PROKR2: variants seen among roughly 807,000 people sequenced by gnomAD.
PROKR2 encodes the protein prokineticin receptor 2.
PROKR2 carries 26 observed loss-of-function variants against 23.4 expected under a neutral mutation model. The ratio of observed to expected loss-of-function variants is 1.11; its 90% CI spans 0.81 to 1.54. The LOEUF is 1.54. Among genes scored for constraint, PROKR2 ranks in the 40% most tolerant of loss-of-function variants. PROKR2 has a pLI of 0.00. For synonymous variants in PROKR2, 212 were observed against 201.2 expected, an observed-to-expected ratio of 1.05 and a Z score of -0.45; for missense variants, 453 against 511.5, an observed-to-expected ratio of 0.89 and a Z score of 1.10.
chr20:5,303,336 C>G (rs1295529891), intron 2 of PROKR2, among the ~76,000 whole-genome samples: 1 of 152,172 alleles, frequency 6.6e-6, no homozygotes, highest in Non-Finnish European at 1.5e-5. Flanking sequence ...CTCCCATGAG[C>G]TGTCATCCTG....
chr20:5,313,707 G>T lies in PROKR2; in HGVS notation c.458+205C>A, dbSNP rs574228303. ...TCTGAAGCACATGTGGTATCTGGGG[G>T]CATGGCCCAGAGATGGGCCACTCAG... On this transcript the variant is annotated intron_variant, in intron 2 of 2. Coordinates refer to ENST00000678254, the MANE Select transcript of PROKR2 (RefSeq NM_144773.4). 2.4e-4 allele frequency among the ~76,000 whole-genome samples: 37 copies of T among 152,346 alleles called. No homozygotes were observed. In the South Asian group the frequency reaches 6.4e-3, roughly 26 times the overall value.
At chr20:5,312,480 G>C (rs6085086) in intron 2 of PROKR2, among the ~76,000 whole-genome samples, 1 of 152,050 alleles carries the variant, frequency 6.6e-6, no homozygotes, top group Admixed American at 6.5e-5. Flanking sequence ...TGGTTGATAG[G>C]TACACATTTC....
chr20:5,302,831 T>A, intron 2 of PROKR2, 95 bp from the exon 3 acceptor site: 1 of 862,136 alleles, frequency 1.2e-6, no homozygotes, highest in Non-Finnish European at 1.9e-6. Context: ...AGTGGCACAG[T>A]GAATCCTCAT....
chr20:5,302,689 G>A lies in PROKR2; in HGVS notation c.506C>T (p.Thr169Met), dbSNP rs527771034. 1.7e-5 allele frequency: 28 copies of A among 1,614,196 alleles called. No homozygotes were observed. The highest frequency in any genetic ancestry group is 8.8e-5 in the South Asian group (8 of 91,086). ...HPLKPRMNYQ[T>M]ASFLIALVWM... is the part of the protein sequence containing the mutation. ...GACCAAGGCGATCAGGAAGGAGGCC[G>A]TTTGATAATTCATCCGTGGTTTCAA... The change falls in exon 3 of 3, where the codon ACG (threonine) becomes ATG (methionine). Residue 169 changes from threonine (T) to methionine (M), a missense_variant. By Grantham distance (81) the Thr-to-Met change is moderately conservative. Transcript: ENST00000678254.
intron 2 of PROKR2, among the ~76,000 whole-genome samples, chr20:5,303,273 C>T (rs1185413204): frequency 6.6e-6 from 1 of 152,160 alleles, no homozygotes; most frequent in Non-Finnish European, 1.5e-5. Context: ...GCTTATGGCC[C>T]CCAGACAGAG....
At chr20:5,310,186 C>A (rs191968864) in intron 2 of PROKR2, among the ~76,000 whole-genome samples, 1 of 152,312 alleles carries the variant, frequency 6.6e-6, no homozygotes, top group African/African-American at 2.4e-5. Context: ...TTTCCTATGA[C>A]TCATTCATTT....
At chr20:5,305,742 C>T (rs2058632779) in intron 2 of PROKR2, among the ~76,000 whole-genome samples, 1 of 152,138 alleles carries the variant, frequency 6.6e-6, no homozygotes, top group Admixed American at 6.5e-5. Flanking sequence ...CATTTCTCTA[C>T]AGCACTGGCT....
At chr20:5,311,917 G>A (rs1979458162) in intron 2 of PROKR2, among the ~76,000 whole-genome samples, 2 of 152,160 alleles carry the variant, frequency 1.3e-5, no homozygotes, top group African/African-American at 2.4e-5. Context: ...GATCATGTGA[G>A]TTAATACTTA....
intron 2 of PROKR2, among the ~76,000 whole-genome samples, chr20:5,310,412 C>T (rs13038214): frequency 0.51 from 77,066 of 151,422 alleles, 19,860 homozygotes; most frequent in African/African-American, 0.61. Flanking sequence ...TTCTCCCACC[C>T]TACATGTGTT....
chr20:5,303,033 C>T lies in PROKR2; in HGVS notation c.459-297G>A, dbSNP rs7267063. 2.3e-3 allele frequency among the ~76,000 whole-genome samples: 347 copies of T among 152,222 alleles called. 1 individual carries two copies. Among genetic ancestry groups the T allele is most frequent in the African/African-American group, 8.1e-3 (337 of 41,536 alleles). On this transcript the variant is annotated intron_variant, in intron 2 of 2. Transcript: ENST00000678254. ...CTGAGATTTATTTCCTCAAATGCAACCTGGAATAAGATGATACTTACTTTG... is the reference window on the plus strand; with the variant it reads ...CTGAGATTTATTTCCTCAAATGCAATCTGGAATAAGATGATACTTACTTTG...
intron 1 of PROKR2, 41 bp from the exon 2 acceptor site, chr20:5,314,418 G>C (rs117050345): frequency 2.8e-4 from 402 of 1,431,628 alleles, no homozygotes; most frequent in Non-Finnish European, 3.6e-4. Flanking sequence ...AGGGGTGAGG[G>C]TCCAGACCTT....
intron 2 of PROKR2, among the ~76,000 whole-genome samples, chr20:5,313,464 G>C (rs1294969565): frequency 6.6e-6 from 1 of 152,240 alleles, no homozygotes; most frequent in East Asian, 1.9e-4. Context: ...GTTGCCTGGT[G>C]GGGGAGGATT....
intron 2 of PROKR2, among the ~76,000 whole-genome samples, chr20:5,305,854 A>G (rs886275501): frequency 1.3e-5 from 2 of 152,218 alleles, no homozygotes; most frequent in African/African-American, 2.4e-5. Context: ...GAAGGGCCCA[A>G]TGGACAACCT....
chr20:5,315,806 A>G, intron 1 of PROKR2: 1 of 455,756 alleles, frequency 2.2e-6, no homozygotes, highest in East Asian at 7.0e-5. Flanking sequence ...CGACACCCCA[A>G]TCCCCGCAGC....
rs545969111 is a variant in PROKR2 at position 5,313,763 on chromosome 20, C to T, written c.458+149G>A. 1.4e-4 allele frequency: 99 copies of T among 726,102 alleles called. No individual in the cohort carries two copies. In the African/African-American group the frequency reaches 1.7e-3, roughly 12 times the overall value. The allele number at this position is 726,102 out of a possible 1,614,324, so 45.0% of individuals were successfully genotyped here. A position where few individuals can be genotyped will look rare whatever the true frequency, so the allele number is the denominator to read the frequency against. On this transcript the variant is annotated intron_variant, in intron 2 of 2. Coordinates refer to ENST00000678254, the MANE Select transcript of PROKR2 (RefSeq NM_144773.4). ...CCAGTCTTGCTCACATCTGGGGGAA[C>T]AGAACTCAACTGGAGAAACAAGACC...
chr20:5,302,482 GT>G lies in PROKR2; in HGVS notation c.712del (p.Thr238ProfsTer2), dbSNP rs1376945107. ...GATCCTGGCATAGCACAGGGTCATG[GT>G]GACCACAGGGCCCACGAACTCGACA... ...FGVEFVGPVV[T>X]MTLCYARISR... On this transcript the variant is annotated frameshift_variant, in exon 3 of 3. Coordinates refer to ENST00000678254, the MANE Select transcript of PROKR2 (RefSeq NM_144773.4). LOFTEE classifies it high-confidence loss of function. 6.2e-7 allele frequency: 1 copy of G among 1,614,130 alleles called. No homozygotes were observed. Among genetic ancestry groups the G allele is most frequent in the African/African-American group, 1.3e-5 (1 of 74,942 alleles).
At position 5,302,298 on chromosome 20, in the gene PROKR2, G is replaced by A. The variant is rs768074572; in HGVS notation, c.897C>T (p.Asp299=). ...APFYGFTIVR[D]FFPTVFVKEK... Reference sequence around the variant, plus strand: ...CCTTCACGAACACAGTGGGGAAGAAGTCACGAACGATGGTGAAACCGTAGA... The same window carrying A: ...CCTTCACGAACACAGTGGGGAAGAAATCACGAACGATGGTGAAACCGTAGA... Residue 299 remains aspartate, a synonymous_variant, in exon 3 of 3, where the codon GAC becomes GAT. Transcript: ENST00000678254. The A allele has an allele frequency of 6.2e-7, 1 of 1,614,266 alleles. No individual in the cohort carries two copies. The highest frequency in any genetic ancestry group is 1.7e-5 in the Admixed American group (1 of 60,036).
intron 2 of PROKR2, among the ~76,000 whole-genome samples, chr20:5,311,156 G>A (rs1979429552): frequency 6.6e-6 from 1 of 152,134 alleles, no homozygotes; most frequent in African/African-American, 2.4e-5. Flanking sequence ...GGAGCCCCCG[G>A]GGAGTGAAAA....
At chr20:5,312,588 C>A (rs1979483780) in intron 2 of PROKR2, among the ~76,000 whole-genome samples, 3 of 152,124 alleles carry the variant, frequency 2.0e-5, no homozygotes, top group Admixed American at 6.6e-5. Context: ...GCTTCCTACA[C>A]CCGTCTGTGT....
Sources: gnomAD v4.1 joint callset for allele counts (sites outside exome capture counted in the v4.1 genomes callset) on GRCh38, gnomAD v4.1.1 for gene constraint, MANE v1.5 for transcripts, NCBI Gene and HGNC (gene_info 2026-07-23, HGNC 2026-07-21) for gene names.